Variants in DGLUCY observed in about 807,000 individuals in gnomAD.
DGLUCY encodes D-glutamate cyclase, mitochondrial.
DGLUCY carries 58 observed loss-of-function variants against 58.5 expected under a neutral mutation model. The observed-to-expected ratio is 0.99, with a 90% confidence interval of 0.80 to 1.23. DGLUCY has a LOEUF of 1.23. Ranked by LOEUF, DGLUCY falls within the 50% of genes most tolerant of loss-of-function variation. The pLI is 0.00. For missense variants in DGLUCY, 779 were observed against 784.7 expected (o/e 0.99, Z 0.09); for synonymous variants, 325 against 314.1 (o/e 1.03, Z -0.37).
chr14:91,120,883 T>C (rs1311167286), intron 1 of DGLUCY, among the ~76,000 whole-genome samples: 1 of 152,248 alleles, frequency 6.6e-6, no homozygotes, highest in East Asian at 1.9e-4. Context: ...AGAGGGTCTC[T>C]GAGGGATGTT....
intron 1 of DGLUCY, among the ~76,000 whole-genome samples, chr14:91,093,311 G>A (rs1401711736): frequency 6.6e-6 from 1 of 152,076 alleles, no homozygotes; most frequent in East Asian, 1.9e-4. Flanking sequence ...ATCCCCATGA[G>A]GAAACTGTGA....
At chr14:91,105,761 A>G (rs1173134563), upstream of DGLUCY, among the ~76,000 whole-genome samples, 1 of 152,214 alleles carries the variant, frequency 6.6e-6, no homozygotes, top group Non-Finnish European at 1.5e-5. Flanking sequence ...CAATAAGGAT[A>G]AGTTCTGAGA....
intron 12 of DGLUCY, among the ~76,000 whole-genome samples, chr14:91,207,920 AT>A (rs747936528): frequency 6.6e-6 from 1 of 151,692 alleles, no homozygotes. Flanking sequence ...CTAATTTTGT[AT>A]TTTTTTAGTA....
intron 1 of DGLUCY, among the ~76,000 whole-genome samples, chr14:91,085,221 C>CA (rs745438426): frequency 0.29 from 26,150 of 89,062 alleles, 2,850 homozygotes; most frequent in Middle Eastern, 0.35. Context: ...AACCCTGTCT[C>CA]AAAAAAAAAA....
At chr14:91,176,944 T>G (rs2048888171) in intron 7 of DGLUCY, among the ~76,000 whole-genome samples, 1 of 151,892 alleles carries the variant, frequency 6.6e-6, no homozygotes, top group Non-Finnish European at 1.5e-5. Flanking sequence ...CTTCCTTCCC[T>G]TCTTCTTTCT....
At chr14:91,153,595 G>T (rs190738808) in intron 1 of DGLUCY, among the ~76,000 whole-genome samples, 1 of 152,326 alleles carries the variant, frequency 6.6e-6, no homozygotes, top group Admixed American at 6.5e-5. Flanking sequence ...GAAAGGAAAA[G>T]AGGAAAACCC....
At chr14:91,088,989 T>C (rs1268575056) in intron 1 of DGLUCY, among the ~76,000 whole-genome samples, 2 of 152,240 alleles carry the variant, frequency 1.3e-5, no homozygotes, top group African/African-American at 4.8e-5. Context: ...AACAAGCTAG[T>C]GGTTAGATCA....
chr14:91,104,064 T>TTTTTTTTTTTTCC (rs57003921), upstream of DGLUCY, among the ~76,000 whole-genome samples: 1 of 113,962 alleles, frequency 8.8e-6, no homozygotes, highest in East Asian at 2.5e-4. Context: ...AAACATTCTT[T>TTTTTTTTTTTTCC]TTTTTTTTTT....
intron 8 of DGLUCY, 40 bp downstream of exon 8, chr14:91,181,429 G>C: frequency 6.3e-7 from 1 of 1,578,010 alleles, no homozygotes; most frequent in African/African-American, 1.3e-5. Flanking sequence ...ACCCAGGTAA[G>C]AAACAACACA....
At chr14:91,146,893 G>A (rs1481060117) in intron 1 of DGLUCY, among the ~76,000 whole-genome samples, 1 of 152,104 alleles carries the variant, frequency 6.6e-6, no homozygotes, top group Non-Finnish European at 1.5e-5. Context: ...CCAGCACGGG[G>A]CTGCCAAGCT....
chr14:91,114,474 T>A (rs1170131323), intron 1 of DGLUCY, 191 bp downstream of exon 1: 1 of 152,300 alleles, frequency 6.6e-6, no homozygotes, highest in Non-Finnish European at 1.5e-5. Flanking sequence ...TTCCTCTCCT[T>A]GAAAAGTCAA....
intron 5 of DGLUCY, 103 bp from the exon 6 acceptor site, chr14:91,173,182 TACTC>T: frequency 8.5e-7 from 1 of 1,173,024 alleles, no homozygotes; most frequent in Non-Finnish European, 1.2e-6. Flanking sequence ...CTATAACAGC[TACTC>T]CTCCTTCATT....
chr14:91,184,468 C>T (rs890563978), intron 8 of DGLUCY, among the ~76,000 whole-genome samples: 5 of 150,246 alleles, frequency 3.3e-5, no homozygotes, highest in African/African-American at 9.8e-5. Flanking sequence ...GTGTGCAGAT[C>T]GCTTGAGTTC....
At position 91,083,716 on chromosome 14, in the gene DGLUCY, T is replaced by C. The variant is rs150123724; in HGVS notation, c.-82+23012T>C. Among the ~76,000 whole-genome samples the C allele has an allele frequency of 1.4e-4, 21 of 152,156 alleles. 1 individual carries two copies. The highest frequency in any genetic ancestry group is 4.3e-4 in the African/African-American group (18 of 41,520). On this transcript the variant is annotated intron_variant, in intron 1 of 4. Coordinates refer to the DGLUCY transcript ENST00000521334. ...AACAGAGATGCCAGCAATGTTTTTC[T>C]GGTTTTTTTTTAATAATGTGTCAGA...
chr14:91,130,432 C>T (rs562741780), intron 1 of DGLUCY, among the ~76,000 whole-genome samples: 6 of 151,746 alleles, frequency 4.0e-5, no homozygotes, highest in Admixed American at 6.6e-5. Context: ...CTCAGCCTCC[C>T]GAGTAGCTGG....
upstream of DGLUCY, among the ~76,000 whole-genome samples, chr14:91,112,293 GAT>G (rs1215715310): frequency 6.6e-6 from 1 of 152,082 alleles, no homozygotes; most frequent in African/African-American, 2.4e-5. Flanking sequence ...TGGCAGATGG[GAT>G]CTCTCTCCTT....
intron 1 of DGLUCY, among the ~76,000 whole-genome samples, chr14:91,153,696 T>C (rs2047446708): frequency 6.6e-6 from 1 of 152,224 alleles, no homozygotes; most frequent in Non-Finnish European, 1.5e-5. Context: ...TGCCTGCTCA[T>C]GCAGGCCTTG....
In DGLUCY at chr14:91,077,871, G is replaced by A. The variant is rs181957732; in HGVS notation, c.-82+17167G>A. On this transcript the variant is annotated intron_variant, in intron 1 of 4. Transcript: ENST00000521334. Reference sequence around the variant, plus strand: ...GAGAGGAATGAAGGAAGAAAGGAAGGAAGGGAAGGAAGGAAGGAAGGAAGT... The same window carrying A: ...GAGAGGAATGAAGGAAGAAAGGAAGAAAGGGAAGGAAGGAAGGAAGGAAGT... Among the ~76,000 whole-genome samples, 244 of 151,614 alleles carry A rather than the reference G, an allele frequency of 1.6e-3. 1 individual carries two copies. The highest frequency in any genetic ancestry group is 6.8e-3 in the Middle Eastern group (2 of 294).
chr14:91,181,285 C>T lies in DGLUCY; in HGVS notation c.830C>T (p.Pro277Leu), dbSNP rs1223708396. The part of the protein sequence containing the change: ...PPGCLTPERI[P>L]EVHHISQDPL... Reference sequence around the variant, plus strand: ...GGTTGTCTCACCCCAGAGAGAATTCCAGAGGTCCATCACATTTCCCAAGAT... The same window carrying T: ...GGTTGTCTCACCCCAGAGAGAATTCTAGAGGTCCATCACATTTCCCAAGAT... Residue 277 changes from proline to leucine, a missense_variant, in exon 8 of 14, where the codon CCA (proline) becomes CTA (leucine). Transcript: ENST00000256324. The T allele has an allele frequency of 6.2e-7, 1 of 1,614,172 alleles. No homozygotes were observed. The highest frequency in any genetic ancestry group is 8.5e-7 in the Non-Finnish European group (1 of 1,180,026).
Sources: gnomAD v4.1 joint callset for allele counts (sites outside exome capture counted in the v4.1 genomes callset) on GRCh38, gnomAD v4.1.1 for gene constraint, MANE v1.5 for transcripts, NCBI Gene and HGNC (gene_info 2026-07-23, HGNC 2026-07-21) for gene names.